Variants in NFIX observed in about 807,000 individuals in gnomAD.
NFIX encodes the protein nuclear factor I X, also known as nuclear factor 1 X-type.
A neutral mutation model predicts 53.3 loss-of-function variants in NFIX; 2 were observed. The ratio of observed to expected loss-of-function variants is 0.04; its 90% CI spans 0.02 to 0.12. NFIX has a LOEUF of 0.12. NFIX is among the 10% of genes least tolerant of loss of function. The pLI, the probability that NFIX is intolerant of heterozygous loss-of-function variation, is 1.00. For synonymous variants in NFIX, 244 were observed against 289.0 expected, an observed-to-expected ratio of 0.84 and a Z score of 1.58; for missense variants, 310 against 674.5, an observed-to-expected ratio of 0.46 and a Z score of 5.99.
intron 1 of NFIX, among the ~76,000 whole-genome samples, chr19:12,997,150 A>G (rs144434326): frequency 1.5e-3 from 228 of 152,370 alleles, no homozygotes; most frequent in African/African-American, 5.0e-3. Flanking sequence ...GGCAGTCCAC[A>G]TGGGTATGGC....
At chr19:13,030,163 C>T (rs2013691325) in intron 2 of NFIX, among the ~76,000 whole-genome samples, 1 of 152,220 alleles carries the variant, frequency 6.6e-6, no homozygotes, top group Admixed American at 6.5e-5. Flanking sequence ...TGACAAAGAT[C>T]GCAGGGCCCT....
In NFIX at chr19:13,078,698, C is replaced by T. The variant is rs1370921925; in HGVS notation, c.1041C>T (p.Thr347=). 1 of 1,599,974 alleles carries T rather than the reference C, an allele frequency of 6.3e-7. No individual in the cohort carries two copies. The highest frequency in any genetic ancestry group is 8.5e-7 in the Non-Finnish European group (1 of 1,173,644). ...GCAGCTCCCCGCGCATGGCTTTCAC[C>T]CACCACCCGCTGCCTGTGCTTGCTG... The part of the protein sequence containing the change: ...SQGSSPRMAF[T]HHPLPVLAGV... Residue 347 remains threonine, a synonymous_variant, in exon 7 of 11, where the codon ACC becomes ACT. Transcript: ENST00000592199. The surrounding 1 kb of genome is among the most constrained non-coding windows in gnomAD (Gnocchi z 4.7).
At chr19:13,080,032 A>C (rs2017367989) in intron 7 of NFIX, among the ~76,000 whole-genome samples, 1 of 152,198 alleles carries the variant, frequency 6.6e-6, no homozygotes, top group Non-Finnish European at 1.5e-5. Flanking sequence ...CTTTGTCTTC[A>C]TCCAGAGCCC....
chr19:13,080,775 C>T (rs1317643567), intron 7 of NFIX, among the ~76,000 whole-genome samples: 3 of 151,810 alleles, frequency 2.0e-5, no homozygotes, highest in South Asian at 2.1e-4. Context: ...CTGAGGTGGG[C>T]GGATCACAAG....
At chr19:13,048,596 A>G (rs1468482433) in intron 2 of NFIX, among the ~76,000 whole-genome samples, 1 of 152,092 alleles carries the variant, frequency 6.6e-6, no homozygotes, top group Non-Finnish European at 1.5e-5. Context: ...ATGGTGGCTC[A>G]TGCCTGTAAT....
At chr19:13,074,071 C>G (rs1473730258) in intron 5 of NFIX, 45 bp downstream of exon 5, 2 of 1,610,104 alleles carry the variant, frequency 1.2e-6, no homozygotes, top group East Asian at 4.5e-5. Flanking sequence ...CCACTCCCCC[C>G]AGGGCCAGGG....
chr19:13,073,194 C>T lies in NFIX; in HGVS notation c.622+85C>T, dbSNP rs2016870828. On this transcript the variant is annotated intron_variant, in intron 3 of 10. Coordinates refer to ENST00000592199, the MANE Select transcript of NFIX (RefSeq NM_001365902.3). The surrounding 1 kb of genome is among the most constrained non-coding windows in gnomAD (Gnocchi z 4.5). ...CCACCCTGGCTGCCCTGGCCACCCT[C>T]ACTTCTTCCCCTTCATTCAGCTGTC... 1 of 1,301,736 alleles carries T rather than the reference C, an allele frequency of 7.7e-7. No homozygotes were observed. Among genetic ancestry groups the T allele is most frequent in the Non-Finnish European group, 1.1e-6 (1 of 895,766 alleles). 80.6% of individuals were successfully genotyped at this position (1,301,736 alleles called of 1,614,324 possible).
At chr19:13,058,022 G>T (rs970939177) in intron 2 of NFIX, among the ~76,000 whole-genome samples, 1 of 152,164 alleles carries the variant, frequency 6.6e-6, no homozygotes, top group Non-Finnish European at 1.5e-5. Flanking sequence ...GGCCTGAGGG[G>T]AGAAAGACAG....
chr19:13,094,063 A>T lies in NFIX; in HGVS notation c.1495-572A>T, dbSNP rs1316009346. 6.6e-6 allele frequency among the ~76,000 whole-genome samples: 1 copy of T among 152,188 alleles called. No individual in the cohort carries two copies. Among genetic ancestry groups the T allele is most frequent in the Non-Finnish European group, 1.5e-5 (1 of 68,026 alleles). On this transcript the variant is annotated intron_variant, in intron 10 of 10. Transcript: ENST00000592199. This position sits in a 1 kb window ranked among gnomAD's most constrained non-coding sequence, Gnocchi z 4.3. ...GGTAGAGGATCCAGCACCATGGGCT[A>T]CGTGGCCCCTCCCCCAGGCCTGGCG... is the stretch of plus-strand genomic sequence containing the variant.
Position 13,073,356 on chromosome 19 carries a change from T to A in NFIX, c.623-66T>A. 1 of 1,389,294 alleles carries A rather than the reference T, an allele frequency of 7.2e-7. No homozygotes were observed. The highest frequency in any genetic ancestry group is 1.0e-6 in the Non-Finnish European group (1 of 975,056). The allele number at this position is 1,389,294 out of a possible 1,614,324, so 86.1% of individuals were successfully genotyped here. On this transcript the variant is annotated intron_variant, in intron 3 of 10. Transcript: ENST00000592199. The surrounding 1 kb of genome is among the most constrained non-coding windows in gnomAD (Gnocchi z 4.5). ...GGGAGAAGCAACAGTGTGGAAGACC[T>A]TTGGAAATAGCCAGGCAGCCCCCTT... is the stretch of plus-strand genomic sequence containing the variant.
At chr19:13,055,851 G>A (rs531082753) in intron 2 of NFIX, among the ~76,000 whole-genome samples, 24 of 152,300 alleles carry the variant, frequency 1.6e-4, no homozygotes, top group African/African-American at 5.8e-4. Context: ...GCCTGGGTGA[G>A]GAGTCCTCAT....
rs540673370 is a variant in NFIX, at chr19:13,076,504, C to T, written c.955+833C>T. Among the ~76,000 whole-genome samples, 11 of 152,288 alleles carry T rather than the reference C, an allele frequency of 7.2e-5. 1 individual carries two copies. In the South Asian group the frequency reaches 2.3e-3, roughly 32 times the overall value. On this transcript the variant is annotated intron_variant, in intron 6 of 10. Transcript: ENST00000592199. ...AGCACATGTGTGTGAGGAGGCTGGC[C>T]GCAAGAGTCCCCCGCTGACGTGCCA...
At position 13,025,516 on chromosome 19, in the gene NFIX, C is replaced by T. The variant is rs1015598045; in HGVS notation, c.523C>T (p.Leu175=). ...PHHIGVTIKE[L]DLYLAYFVHT... is the part of the protein sequence containing the mutation. ...TCACATTGGAGTCACAATCAAAGAA[C>T]TGGATCTTTATCTGGCTTACTTTGT... The change falls in exon 2 of 11, where the codon CTG becomes TTG. Residue 175 remains leucine, a synonymous_variant. Transcript: ENST00000592199. The surrounding 1 kb of genome is among the most constrained non-coding windows in gnomAD (Gnocchi z 7.5). The T allele has an allele frequency of 2.5e-6, 4 of 1,613,652 alleles. No individual in the cohort carries two copies. The highest frequency in any genetic ancestry group is 3.4e-6 in the Non-Finnish European group (4 of 1,179,684).
At position 13,001,286 on chromosome 19, in the gene NFIX, C is replaced by T. The variant is rs2011676925; in HGVS notation, c.27+5422C>T. On this transcript the variant is annotated intron_variant, in intron 1 of 10. Coordinates refer to ENST00000592199, the MANE Select transcript of NFIX (RefSeq NM_001365902.3). This position sits in a 1 kb window ranked among gnomAD's most constrained non-coding sequence, Gnocchi z 6.5. ...ATGTCTGTGTGGCAGCGTGTGTCTG[C>T]CCGGGTCCCTCTCCATGCCTCTCCA... is the stretch of plus-strand genomic sequence containing the variant. 6.6e-6 allele frequency among the ~76,000 whole-genome samples: 1 copy of T among 152,172 alleles called. No individual in the cohort carries two copies. The highest frequency in any genetic ancestry group is 2.4e-5 in the African/African-American group (1 of 41,434).
intron 2 of NFIX, among the ~76,000 whole-genome samples, chr19:13,032,815 C>T (rs990014101): frequency 4.6e-5 from 7 of 152,122 alleles, no homozygotes; most frequent in South Asian, 2.1e-4. Context: ...TCCAAGGTTT[C>T]GAACAAGAGA....
Position 13,081,649 on chromosome 19 carries a change from C to T in NFIX, c.1079-31C>T, listed in dbSNP as rs755112757. 4.1e-5 allele frequency: 66 copies of T among 1,605,496 alleles called. No homozygotes were observed. Among genetic ancestry groups the T allele is most frequent in the Non-Finnish European group, 5.4e-5 (63 of 1,174,406 alleles). On this transcript the variant is annotated intron_variant, in intron 7 of 10. Transcript: ENST00000592199. This position sits in a 1 kb window ranked among gnomAD's most constrained non-coding sequence, Gnocchi z 4.7. ...CCACTGGCTGCCTCCTTGGCCCTGA[C>T]GCCCTTTTTTCCCTGCCCACGTGCA...
chr19:13,080,075 C>A (rs573939053), intron 7 of NFIX, among the ~76,000 whole-genome samples: 1 of 152,206 alleles, frequency 6.6e-6, no homozygotes, highest in Non-Finnish European at 1.5e-5. Context: ...TGTCCCCCAC[C>A]CAGTCTCCCA....
intron 1 of NFIX, among the ~76,000 whole-genome samples, chr19:13,010,392 G>A (rs1316149140): frequency 6.6e-6 from 1 of 152,256 alleles, no homozygotes; most frequent in Non-Finnish European, 1.5e-5. Flanking sequence ...CCGGCAACTC[G>A]GACGTGCGCA....
At position 13,022,551 on chromosome 19, in the gene NFIX, C is replaced by T. The variant is rs576278540; in HGVS notation, c.28-2470C>T. 7.3e-5 allele frequency among the ~76,000 whole-genome samples: 11 copies of T among 151,112 alleles called. No individual in the cohort carries two copies. The East Asian group carries it at 7.8e-4, about 11-fold the overall frequency. On this transcript the variant is annotated intron_variant, in intron 1 of 10. Coordinates refer to ENST00000592199, the MANE Select transcript of NFIX (RefSeq NM_001365902.3). The surrounding 1 kb of genome is among the most constrained non-coding windows in gnomAD (Gnocchi z 4.5). ...CACCGCAGGCCCGTGTGTATGTGGCCGGGGAGGAAAACTTCCACTCGCCCC... is the reference window on the plus strand; with the variant it reads ...CACCGCAGGCCCGTGTGTATGTGGCTGGGGAGGAAAACTTCCACTCGCCCC...
Sources: gnomAD v4.1 joint callset for allele counts (sites outside exome capture counted in the v4.1 genomes callset) on GRCh38, gnomAD v4.1.1 for gene constraint, Gnocchi (gnomAD v3.1) non-coding constraint, MANE v1.5 for transcripts, NCBI Gene and HGNC (gene_info 2026-07-23, HGNC 2026-07-21) for gene names.